EPHB1: variants seen among roughly 807,000 people sequenced by gnomAD.
EPHB1 encodes the protein EPH receptor B1, also known as ephrin type-B receptor 1.
In EPHB1, 30 loss-of-function variants were observed where a neutral mutation model predicts 94.4. The observed-to-expected ratio is 0.32, with a 90% CI of 0.24 to 0.43. EPHB1 has a LOEUF of 0.43. Ranked by LOEUF, EPHB1 falls within the 20% of genes least tolerant of loss-of-function variation. The probability of loss-of-function intolerance (pLI) is 1.00; values close to 1 mark genes in which losing one functional copy is unlikely to be tolerated. For missense variants in EPHB1, 1,055 were observed against 1,308.3 expected (o/e 0.81, Z 2.99); for synonymous variants, 522 against 489.1 (o/e 1.07, Z -0.89).
At chr3:134,818,288 G>C (rs994973290) in intron 1 of EPHB1, among the ~76,000 whole-genome samples, 1 of 152,114 alleles carries the variant, frequency 6.6e-6, no homozygotes, top group African/African-American at 2.4e-5. Flanking sequence ...CTGTTTAAGA[G>C]GCTGACAGGC....
intron 1 of EPHB1, among the ~76,000 whole-genome samples, chr3:134,874,356 G>A (rs1252654299): frequency 2.0e-5 from 3 of 151,994 alleles, no homozygotes; most frequent in African/African-American, 7.3e-5. Flanking sequence ...CAAACACCGG[G>A]GCCTATTGGG....
intron 6 of EPHB1, among the ~76,000 whole-genome samples, chr3:135,156,374 C>A (rs995031747): frequency 6.6e-6 from 1 of 152,114 alleles, no homozygotes; most frequent in Non-Finnish European, 1.5e-5. Context: ...GAAACAGAGA[C>A]CTATGGGCCT....
chr3:135,250,141 T>C (rs937887013), intron 15 of EPHB1, among the ~76,000 whole-genome samples: 1 of 152,274 alleles, frequency 6.6e-6, no homozygotes, highest in South Asian at 2.1e-4. Context: ...CAAATAAATT[T>C]GGGAAATATT....
intron 11 of EPHB1, among the ~76,000 whole-genome samples, chr3:135,199,997 G>A (rs6439561): frequency 1.3e-5 from 2 of 151,968 alleles, no homozygotes; most frequent in Non-Finnish European, 2.9e-5. Flanking sequence ...GGATGCAGGT[G>A]GTGGTTGCCT....
intron 3 of EPHB1, among the ~76,000 whole-genome samples, chr3:135,004,549 A>C (rs1342846703): frequency 6.6e-6 from 1 of 152,072 alleles, no homozygotes; most frequent in Non-Finnish European, 1.5e-5. Context: ...TATCCTGCAG[A>C]GTGTTTTCCA....
chr3:135,199,110 A>T (rs1463727148), intron 11 of EPHB1, among the ~76,000 whole-genome samples: 1 of 152,230 alleles, frequency 6.6e-6, no homozygotes, highest in African/African-American at 2.4e-5. Flanking sequence ...TACTGTTCTC[A>T]AAGTTGTTTA....
chr3:134,934,012 A>G (rs993827193), intron 2 of EPHB1, among the ~76,000 whole-genome samples: 2 of 151,132 alleles, frequency 1.3e-5, no homozygotes, highest in African/African-American at 4.9e-5. Context: ...CTCCCCTCCT[A>G]TTCCCTCTTC....
chr3:134,974,210 G>C (rs7636504), intron 3 of EPHB1, among the ~76,000 whole-genome samples: 3 of 151,968 alleles, frequency 2.0e-5, no homozygotes, highest in African/African-American at 2.4e-5. Flanking sequence ...AAGGATGCAC[G>C]CGTGCGCACA....
At chr3:134,932,251 C>T (rs534229899) in intron 2 of EPHB1, among the ~76,000 whole-genome samples, 3 of 152,228 alleles carry the variant, frequency 2.0e-5, no homozygotes, top group Admixed American at 1.3e-4. Context: ...CCATGAGTGC[C>T]GGTGCGCAGG....
chr3:135,239,989 C>G (rs1298563912), intron 12 of EPHB1, among the ~76,000 whole-genome samples: 2 of 152,130 alleles, frequency 1.3e-5, no homozygotes, highest in Non-Finnish European at 2.9e-5. Flanking sequence ...TAGAAAGAGG[C>G]AGTACTGGTA....
chr3:135,004,532 T>C (rs1935317696), intron 3 of EPHB1, among the ~76,000 whole-genome samples: 2 of 152,220 alleles, frequency 1.3e-5, no homozygotes, highest in Admixed American at 6.5e-5. Context: ...GAAGTTCTCC[T>C]GGATAATATC....
At chr3:135,022,555 T>A (rs1936022359) in intron 3 of EPHB1, among the ~76,000 whole-genome samples, 1 of 152,214 alleles carries the variant, frequency 6.6e-6, no homozygotes, top group Non-Finnish European at 1.5e-5. Context: ...GTCCTTATAA[T>A]TGACCTCTTA....
chr3:134,992,365 G>A (rs1448817946), intron 3 of EPHB1, among the ~76,000 whole-genome samples: 1 of 152,156 alleles, frequency 6.6e-6, no homozygotes, highest in Non-Finnish European at 1.5e-5. Flanking sequence ...AGCCAACCAC[G>A]CACAGCTCTC....
At chr3:135,249,692 C>T (rs1001489142) in intron 15 of EPHB1, among the ~76,000 whole-genome samples, 1 of 152,172 alleles carries the variant, frequency 6.6e-6, no homozygotes, top group Admixed American at 6.5e-5. Flanking sequence ...CACTCTGGGA[C>T]CCAAATGAGA....
At chr3:134,911,628 G>A (rs1333584152) in intron 1 of EPHB1, among the ~76,000 whole-genome samples, 1 of 152,152 alleles carries the variant, frequency 6.6e-6, no homozygotes, top group Non-Finnish European at 1.5e-5. Flanking sequence ...TATGTGAGGG[G>A]AGTGGTACCC....
chr3:135,113,479 C>T (rs549179108), intron 4 of EPHB1, among the ~76,000 whole-genome samples: 55 of 152,218 alleles, frequency 3.6e-4, no homozygotes, highest in Non-Finnish European at 6.5e-4. Flanking sequence ...AGCACTGCCA[C>T]CCCAAATCCT....
In EPHB1 at chr3:134,879,034, G is replaced by A. The variant is rs563782418; in HGVS notation, c.59-46782G>A. Among the ~76,000 whole-genome samples the A allele has an allele frequency of 2.6e-4, 40 of 152,288 alleles. No homozygotes were observed. In the South Asian group the frequency reaches 4.4e-3, roughly 17 times the overall value. On this transcript the variant is annotated intron_variant, in intron 1 of 15. Transcript: ENST00000398015. ...GGGATGGAAAAGGAAGTTGAAAGGGGCATGCCACTCCATGTGATCTTGTCT... is the reference window on the plus strand; with the variant it reads ...GGGATGGAAAAGGAAGTTGAAAGGGACATGCCACTCCATGTGATCTTGTCT...
At chr3:134,901,244 C>T (rs1048885304) in intron 1 of EPHB1, among the ~76,000 whole-genome samples, 2 of 152,128 alleles carry the variant, frequency 1.3e-5, no homozygotes, top group African/African-American at 4.8e-5. Context: ...CTGTGTGTCT[C>T]ATAAAAGTTT....
intron 3 of EPHB1, among the ~76,000 whole-genome samples, chr3:135,098,016 C>T: frequency 6.6e-6 from 1 of 152,158 alleles, no homozygotes; most frequent in Non-Finnish European, 1.5e-5. Context: ...CACGAACCAC[C>T]TCCTCTAGGC....
Sources: allele counts gnomAD v4.1 joint callset (sites outside exome capture counted in the v4.1 genomes callset), GRCh38; gene constraint gnomAD v4.1.1; transcripts MANE v1.5; gene names NCBI Gene and HGNC (gene_info 2026-07-23, HGNC 2026-07-21).